Variants in ADGRL2 observed in about 807,000 individuals in gnomAD.
ADGRL2 encodes the protein adhesion G protein-coupled receptor L2, also known as calcium-independent alpha-latrotoxin receptor 2.
Under a neutral mutation model 157.4 loss-of-function variants are expected in ADGRL2, and 44 were observed. That is an observed-to-expected ratio of 0.28 (90% CI 0.22 to 0.36). The LOEUF is 0.36. ADGRL2 is among the 10% of genes least tolerant of loss of function. The pLI is 1.00. For synonymous variants in ADGRL2, 585 were observed against 624.7 expected, an observed-to-expected ratio of 0.94 and a Z score of 0.95; for missense variants, 1,510 against 1,768.9, an observed-to-expected ratio of 0.85 and a Z score of 2.63.
intron 3 of ADGRL2, among the ~76,000 whole-genome samples, chr1:81,649,437 G>C (rs2082371130): frequency 6.6e-6 from 1 of 152,092 alleles, no homozygotes. Context: ...CTTTTAATGT[G>C]GAAAAGTTAT....
chr1:81,935,578 A>G (rs978038038), intron 3 of ADGRL2, among the ~76,000 whole-genome samples: 3 of 151,898 alleles, frequency 2.0e-5, no homozygotes, highest in Non-Finnish European at 4.4e-5. Context: ...ATGCTTTTCA[A>G]AATTCTTTAT....
intron 2 of ADGRL2, among the ~76,000 whole-genome samples, chr1:81,465,590 T>C (rs1258879871): frequency 6.6e-6 from 1 of 152,154 alleles, no homozygotes; most frequent in Non-Finnish European, 1.5e-5. Context: ...AAAGTAATAT[T>C]AAAAATGAAA....
intron 2 of ADGRL2, among the ~76,000 whole-genome samples, chr1:81,547,517 C>T (rs947159676): frequency 6.6e-5 from 10 of 152,168 alleles, no homozygotes; most frequent in South Asian, 2.1e-4. Flanking sequence ...AGGCATTTCC[C>T]GACTTCTTCC....
In ADGRL2 at chr1:81,959,925, C is replaced by G. The variant is rs140961384; in HGVS notation, c.2017+3865C>G. ...AAGTGATTCTCCTGCTTCAGCCTCC[C>G]GAGTAACTGGGATTACATGTGCTCA... On this transcript the variant is annotated intron_variant, in intron 11 of 23. Coordinates refer to ENST00000686636, the MANE Select transcript of ADGRL2 (RefSeq NM_001366006.2). Among the ~76,000 whole-genome samples, 146 of 151,918 alleles carry G rather than the reference C, an allele frequency of 9.6e-4. 2 individuals are homozygous for G. In the East Asian group the frequency reaches 0.024, roughly 25 times the overall value.
chr1:81,930,257 AGGC>A (rs2095200180), intron 3 of ADGRL2, among the ~76,000 whole-genome samples: 1 of 152,208 alleles, frequency 6.6e-6, no homozygotes, highest in Non-Finnish European at 1.5e-5. Flanking sequence ...ATTAGTAATG[AGGC>A]ACTATGTCTC....
At position 81,490,854 on chromosome 1, in the gene ADGRL2, T is replaced by C. The variant is rs536901077; in HGVS notation, c.-248+45765T>C. On this transcript the variant is annotated intron_variant, in intron 2 of 24. Coordinates refer to the ADGRL2 transcript ENST00000370721. ...TGCACAAGAATGTACATAGCAACTT[T>C]ATTCATCATAACCCCAAATGCAAGC... 2.0e-5 allele frequency among the ~76,000 whole-genome samples: 3 copies of C among 152,338 alleles called. No individual in the cohort carries two copies. The East Asian group carries it at 5.8e-4, about 29-fold the overall frequency.
chr1:81,741,699 A>C (rs559487017), intron 1 of ADGRL2, among the ~76,000 whole-genome samples: 1 of 152,170 alleles, frequency 6.6e-6, no homozygotes, highest in South Asian at 2.1e-4. Flanking sequence ...AGAGGACTGC[A>C]ATATTCAATC....
chr1:81,512,864 G>C lies in ADGRL2; in HGVS notation c.-248+67775G>C, dbSNP rs369491266. Among the ~76,000 whole-genome samples, 11 of 151,906 alleles carry C rather than the reference G, an allele frequency of 7.2e-5. No individual in the cohort carries two copies. The East Asian group carries it at 2.1e-3, about 29-fold the overall frequency. ...TTCATGACCTGAATAATGCTTACTA[G>C]AAAGAGTTCAATGGAATTTACTTAA... is the stretch of plus-strand genomic sequence containing the variant. On this transcript the variant is annotated intron_variant, in intron 2 of 24. Transcript: ENST00000370721.
intron 2 of ADGRL2, among the ~76,000 whole-genome samples, chr1:81,455,769 G>A (rs1465143033): frequency 6.6e-6 from 1 of 152,208 alleles, no homozygotes; most frequent in African/African-American, 2.4e-5. Flanking sequence ...ACAGCATCAA[G>A]CGCTCAGAGG....
chr1:81,715,451 G>A (rs1327992066), intron 1 of ADGRL2, among the ~76,000 whole-genome samples: 1 of 152,150 alleles, frequency 6.6e-6, no homozygotes, highest in Non-Finnish European at 1.5e-5. Context: ...TTTTCTGTTA[G>A]TGTGTATGTG....
chr1:81,736,765 T>G (rs2084914306), intron 1 of ADGRL2, among the ~76,000 whole-genome samples: 1 of 152,160 alleles, frequency 6.6e-6, no homozygotes, highest in African/African-American at 2.4e-5. Context: ...CACCTGGAAT[T>G]TTACATGAGT....
At chr1:81,537,144 T>C (rs1426174080) in intron 2 of ADGRL2, among the ~76,000 whole-genome samples, 1 of 152,214 alleles carries the variant, frequency 6.6e-6, no homozygotes, top group Admixed American at 6.5e-5. Context: ...CTGTATACAT[T>C]TTAAAAGTTG....
intron 1 of ADGRL2, among the ~76,000 whole-genome samples, chr1:81,420,405 C>T (rs2077104299): frequency 6.6e-6 from 1 of 152,118 alleles, no homozygotes; most frequent in African/African-American, 2.4e-5. Flanking sequence ...TTACAAATAC[C>T]TTACCAGAAA....
intron 2 of ADGRL2, among the ~76,000 whole-genome samples, chr1:81,795,168 G>A (rs2087526330): frequency 6.6e-6 from 1 of 152,016 alleles, no homozygotes; most frequent in South Asian, 2.1e-4. Context: ...TGCTTGAACT[G>A]AGGCGTTCAA....
chr1:81,576,562 G>A (rs879672788), intron 2 of ADGRL2, among the ~76,000 whole-genome samples: 1 of 152,064 alleles, frequency 6.6e-6, no homozygotes, highest in Non-Finnish European at 1.5e-5. Flanking sequence ...GGGTTACCGG[G>A]TGTGCAGCAG....
intron 1 of ADGRL2, among the ~76,000 whole-genome samples, chr1:81,420,270 A>G (rs1049247869): frequency 6.6e-6 from 1 of 152,128 alleles, no homozygotes; most frequent in Non-Finnish European, 1.5e-5. Context: ...CCTCCAAAGG[A>G]CTTCAATCTC....
At chr1:81,672,047 T>C (rs1412616820) in intron 3 of ADGRL2, among the ~76,000 whole-genome samples, 1 of 152,224 alleles carries the variant, frequency 6.6e-6, no homozygotes, top group African/African-American at 2.4e-5. Flanking sequence ...AAGATTTTTG[T>C]CTCAGATGAT....
At chr1:81,827,658 C>T (rs1210647732) in intron 1 of ADGRL2, among the ~76,000 whole-genome samples, 1 of 152,072 alleles carries the variant, frequency 6.6e-6, no homozygotes, top group Non-Finnish European at 1.5e-5. Context: ...CTCAGCCTCC[C>T]CACTTCAAGC....
At chr1:81,440,952 A>G (rs2077496696) in intron 1 of ADGRL2, among the ~76,000 whole-genome samples, 1 of 152,138 alleles carries the variant, frequency 6.6e-6, no homozygotes, top group Admixed American at 6.5e-5. Flanking sequence ...TATCTTCCTC[A>G]CAGCTTTAGA....
Sources: gnomAD v4.1 joint callset for allele counts (sites outside exome capture counted in the v4.1 genomes callset) on GRCh38, gnomAD v4.1.1 for gene constraint, MANE v1.5 for transcripts, NCBI Gene and HGNC (gene_info 2026-07-23, HGNC 2026-07-21) for gene names.